CAMTA1: variants seen among roughly 807,000 people sequenced by gnomAD.
CAMTA1 encodes the protein calmodulin-binding transcription activator 1.
In CAMTA1, 27 loss-of-function variants were observed where a neutral mutation model predicts 170.9. That is an observed-to-expected ratio of 0.16 (90% CI 0.12 to 0.22). CAMTA1 has a LOEUF of 0.22. CAMTA1 is among the 10% of genes least tolerant of loss of function. CAMTA1 has a pLI of 1.00. For synonymous variants in CAMTA1, 833 were observed against 891.5 expected, an observed-to-expected ratio of 0.93 and a Z score of 1.17; for missense variants, 1,619 against 2,217.2, an observed-to-expected ratio of 0.73 and a Z score of 5.42.
intron 5 of CAMTA1, among the ~76,000 whole-genome samples, chr1:7,379,372 T>C (rs2087098956): frequency 6.6e-6 from 1 of 152,242 alleles, no homozygotes; most frequent in African/African-American, 2.4e-5. Context: ...GAATCCTTAA[T>C]TGAAATTCAC....
chr1:7,649,661 C>A (rs2149020470), intron 7 of CAMTA1, among the ~76,000 whole-genome samples: 1 of 152,346 alleles, frequency 6.6e-6, no homozygotes, highest in South Asian at 2.1e-4. Flanking sequence ...GATCCGGCCC[C>A]CAAGGAGGAC....
In CAMTA1 at chr1:7,308,261, G is replaced by A. The variant is rs554281211; in HGVS notation, c.438+58635G>A. ...TCTTTCTTTTTCCTTTGTTAGTCTT[G>A]TGGAGAAGTTTATTAATCTTATTTA... On this transcript the variant is annotated intron_variant, in intron 5 of 22. Transcript: ENST00000303635. Among the ~76,000 whole-genome samples the A allele has an allele frequency of 1.4e-3, 36 of 25,148 alleles. No individual in the cohort carries two copies. In the South Asian group the frequency reaches 0.032, roughly 22 times the overall value. 16.5% of individuals were successfully genotyped at this position (25,148 alleles called of 152,430 possible). A position where few individuals can be genotyped will look rare whatever the true frequency, so the allele number is the denominator to read the frequency against.
At position 7,655,091 on chromosome 1, in the gene CAMTA1, T is replaced by TAC. The variant is rs535253795; in HGVS notation, c.665-6626_665-6625dup. Among the ~76,000 whole-genome samples the TAC allele has an allele frequency of 1.2e-4, 5 of 40,724 alleles. No individual in the cohort carries two copies. The Admixed American group carries it at 1.3e-3, about 10-fold the overall frequency. The allele number at this position is 40,724 out of a possible 152,430, so 26.7% of individuals were successfully genotyped here. The stretch of plus-strand genomic sequence containing the variant: ...CCACCTATACACACACACCCACCTA[T>TAC]ACACACACACCTATACACACACCTA... On this transcript the variant is annotated intron_variant, in intron 7 of 22. Coordinates refer to ENST00000303635, the MANE Select transcript of CAMTA1 (RefSeq NM_015215.4).
At chr1:6,935,461 G>A (rs1048302039) in intron 3 of CAMTA1, among the ~76,000 whole-genome samples, 4 of 152,176 alleles carry the variant, frequency 2.6e-5, no homozygotes, top group Admixed American at 1.3e-4. Flanking sequence ...TGCTCCAGTC[G>A]CGGGGCTGCA....
intron 7 of CAMTA1, among the ~76,000 whole-genome samples, chr1:7,656,909 C>T (rs181843424): frequency 4.1e-4 from 63 of 152,346 alleles, no homozygotes; most frequent in Non-Finnish European, 6.9e-4. Flanking sequence ...ACATCTTGTA[C>T]GAGGGCTAGG....
intron 5 of CAMTA1, among the ~76,000 whole-genome samples, chr1:7,420,589 C>A (rs1162976154): frequency 6.6e-6 from 1 of 152,160 alleles, no homozygotes; most frequent in Non-Finnish European, 1.5e-5. Context: ...CGAGCCCCCA[C>A]CAGCTTCTCC....
intron 6 of CAMTA1, among the ~76,000 whole-genome samples, chr1:7,574,967 T>C (rs1287480012): frequency 6.6e-6 from 1 of 152,240 alleles, no homozygotes; most frequent in African/African-American, 2.4e-5. Context: ...CTAAGCCTAG[T>C]GGCAGCCGCA....
chr1:7,639,587 A>G (rs944750337), intron 6 of CAMTA1, among the ~76,000 whole-genome samples: 2 of 152,144 alleles, frequency 1.3e-5, no homozygotes, highest in African/African-American at 2.4e-5. Context: ...AGCCTGGCCA[A>G]TATAGTGAGA....
chr1:6,996,836 A>G (rs1572316906), intron 3 of CAMTA1, among the ~76,000 whole-genome samples: 1 of 152,296 alleles, frequency 6.6e-6, no homozygotes, highest in African/African-American at 2.4e-5. Context: ...AAAAATATAT[A>G]TATTTTAAAT....
chr1:7,377,681 G>A (rs370174319), intron 5 of CAMTA1, among the ~76,000 whole-genome samples: 1 of 152,244 alleles, frequency 6.6e-6, no homozygotes, highest in African/African-American at 2.4e-5. Flanking sequence ...GGTTTTTGAG[G>A]AGGCCGAGGC....
In CAMTA1 at chr1:6,887,851, C is replaced by A; in HGVS notation, c.234+62641C>A. The A allele has an allele frequency of 1.4e-6, 2 of 1,440,588 alleles. No homozygotes were observed. Among genetic ancestry groups the A allele is most frequent in the Non-Finnish European group, 1.8e-6 (2 of 1,099,398 alleles). 89.2% of individuals were successfully genotyped at this position (1,440,588 alleles called of 1,614,324 possible). ...CTCAAAACCCCAAATTAATTTGAAC[C>A]GAATGTTACTAAAAATGAAATAGAA... On this transcript the variant is annotated intron_variant, in intron 3 of 22. Transcript: ENST00000303635. This position sits in a 1 kb window ranked among gnomAD's most constrained non-coding sequence, Gnocchi z 4.1.
intron 3 of CAMTA1, among the ~76,000 whole-genome samples, chr1:6,905,520 C>T (rs1329537385): frequency 6.6e-6 from 1 of 152,070 alleles, no homozygotes; most frequent in African/African-American, 2.4e-5. Flanking sequence ...TACCATCCAC[C>T]TCTGTCTTGC....
At chr1:7,340,903 C>T (rs530651448) in intron 5 of CAMTA1, among the ~76,000 whole-genome samples, 4 of 152,166 alleles carry the variant, frequency 2.6e-5, no homozygotes, top group African/African-American at 7.2e-5. Flanking sequence ...CAAACCCATA[C>T]GTAGTCCACA....
intron 11 of CAMTA1, among the ~76,000 whole-genome samples, chr1:7,678,650 G>A (rs557551854): frequency 1.1e-3 from 164 of 152,324 alleles, no homozygotes; most frequent in Non-Finnish European, 1.1e-3. Context: ...CTGGGGATGC[G>A]GTAGGAGGGA....
intron 3 of CAMTA1, among the ~76,000 whole-genome samples, chr1:6,862,538 T>A (rs1229902039): frequency 6.6e-6 from 1 of 152,268 alleles, no homozygotes; most frequent in Non-Finnish European, 1.5e-5. Flanking sequence ...TTTCATTTTT[T>A]AACTATTCCA....
At position 7,664,546 on chromosome 1, in the gene CAMTA1, G is replaced by A. The variant is rs866487669; in HGVS notation, c.1999G>A (p.Glu667Lys). Residue 667 changes from glutamate (E) to lysine (K), a missense_variant, in exon 9 of 23, where the codon GAG (glutamate) becomes AAG (lysine). This residue lies in a region of CAMTA1 where 731 missense variants were observed against 907.6 expected (regional missense o/e 0.81). Coordinates refer to ENST00000303635, the MANE Select transcript of CAMTA1 (RefSeq NM_015215.4). ...SCSGHVETRI[E>K]STSSLHLMQF... ...CAGCGGTCACGTGGAGACGCGGATC[G>A]AGTCCACTTCCTCCCTCCACCTCAT... The A allele has an allele frequency of 1.9e-6, 3 of 1,613,196 alleles. No individual in the cohort carries two copies. Among genetic ancestry groups the A allele is most frequent in the Non-Finnish European group, 2.5e-6 (3 of 1,180,046 alleles).
At position 7,577,438 on chromosome 1, in the gene CAMTA1, C is replaced by T. The variant is rs1042376056; in HGVS notation, c.511-62962C>T. 4.6e-5 allele frequency among the ~76,000 whole-genome samples: 7 copies of T among 152,184 alleles called. No individual in the cohort carries two copies. In the East Asian group the frequency reaches 9.6e-4, roughly 21 times the overall value. On this transcript the variant is annotated intron_variant, in intron 6 of 22. Transcript: ENST00000303635. The stretch of plus-strand genomic sequence containing the variant: ...CGTCACAGACCATGGCTCCCTCTAA[C>T]GGTTGCCTGTGACTGGTCGGGAATT...
chr1:7,430,442 GATA>G (rs1462218571), intron 5 of CAMTA1, among the ~76,000 whole-genome samples: 2 of 151,936 alleles, frequency 1.3e-5, no homozygotes, highest in African/African-American at 4.8e-5. Context: ...AGGTGACAGT[GATA>G]ATAACGATGG....
intron 3 of CAMTA1, among the ~76,000 whole-genome samples, chr1:7,055,199 C>G (rs1707112844): frequency 6.6e-6 from 1 of 152,188 alleles, no homozygotes; most frequent in South Asian, 2.1e-4. Flanking sequence ...CAAACCATAT[C>G]AGATAGTAAT....
Sources: allele counts gnomAD v4.1 joint callset (sites outside exome capture counted in the v4.1 genomes callset), GRCh38; gene constraint gnomAD v4.1.1; regional missense constraint gnomAD v4.1.1; non-coding constraint Gnocchi (gnomAD v3.1); transcripts MANE v1.5; gene names NCBI Gene and HGNC (gene_info 2026-07-23, HGNC 2026-07-21).